MEIS1: variants seen among roughly 807,000 people sequenced by gnomAD.
MEIS1 encodes the protein Meis homeobox 1.
MEIS1 carries 5 observed loss-of-function variants against 50.8 expected under a neutral mutation model. The observed-to-expected ratio is 0.10, with a 90% CI of 0.05 to 0.21. The LOEUF (loss-of-function observed/expected upper bound fraction) is 0.21, where lower values mean the gene tolerates loss of function less well. Among genes scored for constraint, MEIS1 ranks in the 10% least tolerant of loss-of-function variants. The pLI, the probability that MEIS1 is intolerant of heterozygous loss-of-function variation, is 1.00. For missense variants in MEIS1, 318 were observed against 517.3 expected, an observed-to-expected ratio of 0.61 and a Z score of 3.74; for synonymous variants, 176 against 179.3, an observed-to-expected ratio of 0.98 and a Z score of 0.15.
At chr2:66,466,219 C>A (rs1672631646) in intron 7 of MEIS1, among the ~76,000 whole-genome samples, 1 of 152,158 alleles carries the variant, frequency 6.6e-6, no homozygotes, top group Non-Finnish European at 1.5e-5. Context: ...CTTCCAGTTT[C>A]CCAATTACTT....
chr2:66,451,039 T>C (rs917517378), intron 6 of MEIS1, among the ~76,000 whole-genome samples: 6 of 152,144 alleles, frequency 3.9e-5, no homozygotes, highest in Non-Finnish European at 8.8e-5. Flanking sequence ...GGGTTTGTTT[T>C]CGTGAGAAAA....
At chr2:66,510,884 C>A (rs577760082) in intron 7 of MEIS1, among the ~76,000 whole-genome samples, 1 of 152,242 alleles carries the variant, frequency 6.6e-6, no homozygotes, top group South Asian at 2.1e-4. Context: ...TACAGAAATT[C>A]ATGAAGCCAT....
chr2:66,437,895 CGCCATG>C lies in MEIS1; in HGVS notation c.175_180del (p.Met59_Ala60del). The C allele has an allele frequency of 1.2e-6, 2 of 1,609,832 alleles. No homozygotes were observed. Among genetic ancestry groups the C allele is most frequent in the African/African-American group, 2.7e-5 (2 of 74,978 alleles). On this transcript the variant is annotated inframe_deletion, in exon 2 of 13. Coordinates refer to ENST00000272369, the MANE Select transcript of MEIS1 (RefSeq NM_002398.3). ...AGTACCCGCACACAGCTCATACCAACGCCATGGCCCCCAGCATGGGCTCCTCTGTCA... is the reference window on the plus strand; with the variant it reads ...AGTACCCGCACACAGCTCATACCAACGCCCCCAGCATGGGCTCCTCTGTCA...
intron 8 of MEIS1, among the ~76,000 whole-genome samples, chr2:66,540,114 T>G (rs1375272315): frequency 6.6e-6 from 1 of 152,128 alleles, no homozygotes; most frequent in Non-Finnish European, 1.5e-5. Flanking sequence ...CTCAGCTTCT[T>G]CATCTGTGAA....
At chr2:66,565,079 G>A (rs1268323446) in intron 9 of MEIS1, among the ~76,000 whole-genome samples, 2 of 152,066 alleles carry the variant, frequency 1.3e-5, no homozygotes, top group East Asian at 3.9e-4. Flanking sequence ...TATCATATAG[G>A]GGATTCATGT....
intron 7 of MEIS1, among the ~76,000 whole-genome samples, chr2:66,477,315 G>T (rs1326760155): frequency 6.6e-6 from 1 of 152,180 alleles, no homozygotes. Flanking sequence ...GAGGGTAGTG[G>T]AGTGCAAAGG....
chr2:66,447,328 C>T (rs1384725571), intron 6 of MEIS1, among the ~76,000 whole-genome samples: 1 of 152,172 alleles, frequency 6.6e-6, no homozygotes, highest in Admixed American at 6.5e-5. Context: ...CCACTTAATG[C>T]CTTAATCCTG....
At chr2:66,515,085 A>G (rs1251588412) in intron 8 of MEIS1, among the ~76,000 whole-genome samples, 1 of 152,164 alleles carries the variant, frequency 6.6e-6, no homozygotes, top group Non-Finnish European at 1.5e-5. Context: ...TTAAATGGTC[A>G]CGTCATTGCT....
In MEIS1 at chr2:66,571,517, T is replaced by C. The variant is rs1050381933; in HGVS notation, c.*309T>C. 2 of 1,568,484 alleles carry C rather than the reference T, an allele frequency of 1.3e-6. No individual in the cohort carries two copies. The highest frequency in any genetic ancestry group is 2.7e-5 in the African/African-American group (2 of 73,698). On this transcript the variant is annotated 3_prime_UTR_variant, in exon 13 of 13. Coordinates refer to ENST00000272369, the MANE Select transcript of MEIS1 (RefSeq NM_002398.3). ...CAATGAGTGGACAAGTCATGGACAT[T>C]CATGCTCAGTAGCTTAAGGGAATAT...
intron 7 of MEIS1, among the ~76,000 whole-genome samples, chr2:66,472,133 A>T (rs902579477): frequency 2.6e-4 from 40 of 152,200 alleles, no homozygotes; most frequent in African/African-American, 9.6e-4. Context: ...TCTCCCAGGC[A>T]TTCCAGGGCC....
intron 7 of MEIS1, among the ~76,000 whole-genome samples, chr2:66,478,395 C>T (rs771567306): frequency 2.6e-5 from 4 of 152,076 alleles, no homozygotes; most frequent in African/African-American, 9.7e-5. Flanking sequence ...AGCCATAGTC[C>T]GTAGATTTAA....
chr2:66,510,215 G>C (rs2103849690), intron 7 of MEIS1, among the ~76,000 whole-genome samples: 1 of 152,276 alleles, frequency 6.6e-6, no homozygotes, highest in Non-Finnish European at 1.5e-5. Context: ...TAAAAAGGCT[G>C]TTTAAATACT....
At chr2:66,560,794 G>T (rs1675194115) in intron 9 of MEIS1, among the ~76,000 whole-genome samples, 1 of 152,054 alleles carries the variant, frequency 6.6e-6, no homozygotes, top group African/African-American at 2.4e-5. Context: ...AGAGAAGAGA[G>T]GTGCTCCCTT....
intron 8 of MEIS1, 106 bp from the exon 9 acceptor site, chr2:66,547,837 C>G: frequency 2.0e-6 from 2 of 1,019,858 alleles, no homozygotes; most frequent in Non-Finnish European, 3.0e-6. Context: ...GAGTGACACA[C>G]CTCAGCATTT....
At chr2:66,476,740 T>C (rs1276269872) in intron 7 of MEIS1, among the ~76,000 whole-genome samples, 5 of 152,140 alleles carry the variant, frequency 3.3e-5, no homozygotes, top group Non-Finnish European at 7.4e-5. Context: ...GGAGTGCAGA[T>C]GCAGGTCCTT....
intron 6 of MEIS1, among the ~76,000 whole-genome samples, chr2:66,456,088 C>G (rs1170187086): frequency 6.6e-6 from 1 of 152,096 alleles, no homozygotes; most frequent in Non-Finnish European, 1.5e-5. Context: ...CCTCATTACA[C>G]AGAGATAGAG....
At position 66,439,942 on chromosome 2, in the gene MEIS1, G is replaced by A. The variant is rs761258017; in HGVS notation, c.339G>A (p.Ser113=). ...EPGVAGGDVC[S]SESFNEDIAV... is the part of the protein sequence containing the mutation. ...GGGTGGCGGGCGGGGACGTCTGCTC[G>A]TCAGAGTCATTCAATGAAGATATAG... The change falls in exon 3 of 13, where the codon TCG becomes TCA. Residue 113 remains serine (S), a synonymous_variant. Transcript: ENST00000272369. 1 of 1,613,056 alleles carries A rather than the reference G, an allele frequency of 6.2e-7. No individual in the cohort carries two copies. Among genetic ancestry groups the A allele is most frequent in the Non-Finnish European group, 8.5e-7 (1 of 1,179,518 alleles).
At chr2:66,437,422 G>T in intron 1 of MEIS1, 1 of 342,446 alleles carries the variant, frequency 2.9e-6, no homozygotes, top group Non-Finnish European at 5.4e-6. Flanking sequence ...TTCTACCCTC[G>T]GGAGAATGCT....
At chr2:66,497,076 T>G (rs922259210) in intron 7 of MEIS1, among the ~76,000 whole-genome samples, 2 of 152,154 alleles carry the variant, frequency 1.3e-5, no homozygotes, top group African/African-American at 4.8e-5. Context: ...TGAACTCACT[T>G]TATGGGTCAG....
Sources: allele counts gnomAD v4.1 joint callset (sites outside exome capture counted in the v4.1 genomes callset), GRCh38; gene constraint gnomAD v4.1.1; transcripts MANE v1.5; gene names NCBI Gene and HGNC (gene_info 2026-07-23, HGNC 2026-07-21).